The following SGCZ variants were observed in gnomAD, a reference collection of about 807,000 sequenced individuals.
The protein encoded by SGCZ is sarcoglycan zeta.
A neutral mutation model predicts 41.3 loss-of-function variants in SGCZ; 40 were observed. The observed-to-expected ratio is 0.97, with a 90% CI of 0.75 to 1.26. The LOEUF (loss-of-function observed/expected upper bound fraction) is 1.26, where lower values mean the gene tolerates loss of function less well. Among genes scored for constraint, SGCZ ranks in the 50% most tolerant of loss-of-function variants. SGCZ has a pLI of 0.00. For synonymous variants in SGCZ, 206 were observed against 137.5 expected (o/e 1.50, Z -3.49); for missense variants, 552 against 369.8 (o/e 1.49, Z -4.04).
At chr8:15,094,812 C>T (rs1585556350) in intron 1 of SGCZ, among the ~76,000 whole-genome samples, 1 of 152,138 alleles carries the variant, frequency 6.6e-6, no homozygotes, top group Non-Finnish European at 1.5e-5. Context: ...CTTTCCCCTT[C>T]GCTCTGACCC....
chr8:15,096,009 C>T (rs1015191574), intron 1 of SGCZ, among the ~76,000 whole-genome samples: 14 of 152,180 alleles, frequency 9.2e-5, no homozygotes, highest in Admixed American at 1.3e-4. Context: ...CAAAAATGTC[C>T]CCAAGATACG....
intron 1 of SGCZ, among the ~76,000 whole-genome samples, chr8:14,718,066 A>G: frequency 6.6e-6 from 1 of 150,840 alleles, no homozygotes; most frequent in Non-Finnish European, 1.5e-5. Flanking sequence ...TATTTTTCTT[A>G]TCTTTGAAAA....
At chr8:14,326,111 C>CAAAAAAAAAAAAA (rs56152915) in intron 2 of SGCZ, among the ~76,000 whole-genome samples, 1,942 of 37,882 alleles carry the variant, frequency 0.051, 835 homozygotes, top group East Asian at 0.27. Context: ...GACTCCGTCT[C>CAAAAAAAAAAAAA]AAAAAAAAAA....
chr8:14,889,188 T>C (rs1804918588), intron 1 of SGCZ, among the ~76,000 whole-genome samples: 1 of 152,046 alleles, frequency 6.6e-6, no homozygotes, highest in African/African-American at 2.4e-5. Flanking sequence ...GTACAATATA[T>C]CATCATCATA....
At chr8:14,190,714 T>G (rs918611293) in intron 4 of SGCZ, among the ~76,000 whole-genome samples, 1 of 152,198 alleles carries the variant, frequency 6.6e-6, no homozygotes, top group South Asian at 2.1e-4. Flanking sequence ...ACCATTCTCC[T>G]GCCTCAGCCT....
At chr8:14,306,620 C>T (rs1005073353) in intron 3 of SGCZ, among the ~76,000 whole-genome samples, 2 of 152,106 alleles carry the variant, frequency 1.3e-5, no homozygotes, top group Admixed American at 6.6e-5. Context: ...ACATGACAAG[C>T]TGATGGCAAA....
At chr8:14,125,531 T>G (rs2117045004) in intron 5 of SGCZ, among the ~76,000 whole-genome samples, 1 of 151,560 alleles carries the variant, frequency 6.6e-6, no homozygotes, top group African/African-American at 2.4e-5. Flanking sequence ...GAAGAATCAC[T>G]ATTGTGAAAA....
intron 1 of SGCZ, among the ~76,000 whole-genome samples, chr8:15,229,632 A>G (rs1801883730): frequency 6.6e-6 from 1 of 152,184 alleles, no homozygotes; most frequent in Non-Finnish European, 1.5e-5. Context: ...AGAAATCTTG[A>G]GGTAAGCGAT....
intron 1 of SGCZ, among the ~76,000 whole-genome samples, chr8:14,945,241 A>C (rs990872561): frequency 6.6e-6 from 1 of 152,178 alleles, no homozygotes; most frequent in Non-Finnish European, 1.5e-5. Flanking sequence ...CAAATCATAA[A>C]TAAGACAAAC....
intron 3 of SGCZ, among the ~76,000 whole-genome samples, chr8:14,293,743 T>C (rs1585329067): frequency 6.6e-6 from 1 of 152,014 alleles, no homozygotes; most frequent in South Asian, 2.1e-4. Flanking sequence ...TGTAGAATTC[T>C]TTTCTAAGAG....
At chr8:14,904,688 A>G (rs1432098196) in intron 1 of SGCZ, among the ~76,000 whole-genome samples, 1 of 152,142 alleles carries the variant, frequency 6.6e-6, no homozygotes, top group East Asian at 1.9e-4. Flanking sequence ...CATACACAGC[A>G]TTCTACTTAG....
At chr8:14,728,539 A>G (rs994178177) in intron 1 of SGCZ, among the ~76,000 whole-genome samples, 1 of 152,138 alleles carries the variant, frequency 6.6e-6, no homozygotes, top group African/African-American at 2.4e-5. Context: ...AATAATGGAG[A>G]TTTTAGTAAA....
intron 4 of SGCZ, among the ~76,000 whole-genome samples, chr8:14,226,426 T>C (rs1319574042): frequency 6.6e-6 from 1 of 152,082 alleles, no homozygotes; most frequent in Non-Finnish European, 1.5e-5. Flanking sequence ...GAACTACGCA[T>C]GAATCTGGTT....
chr8:14,986,487 T>G (rs1033329087), intron 1 of SGCZ, among the ~76,000 whole-genome samples: 2 of 152,112 alleles, frequency 1.3e-5, no homozygotes, highest in Non-Finnish European at 2.9e-5. Flanking sequence ...CAGCAGTAAT[T>G]GAACAAATTA....
intron 2 of SGCZ, among the ~76,000 whole-genome samples, chr8:14,532,226 A>C (rs72607312): frequency 0.15 from 22,511 of 150,028 alleles, 1,991 homozygotes; most frequent in East Asian, 0.39. Context: ...AGAAGAAATT[A>C]ATTTGAGCCC....
intron 1 of SGCZ, among the ~76,000 whole-genome samples, chr8:14,894,326 TA>T (rs1805119083): frequency 6.6e-6 from 1 of 152,222 alleles, no homozygotes; most frequent in African/African-American, 2.4e-5. Flanking sequence ...AGCACACTTC[TA>T]AAATATATAA....
At chr8:14,164,443 A>T (rs1804143313) in intron 5 of SGCZ, 137 bp downstream of exon 5, 3 of 1,008,828 alleles carry the variant, frequency 3.0e-6, no homozygotes, top group Non-Finnish European at 4.3e-6. Flanking sequence ...TTTGAAGGCT[A>T]CTTGAAGAAC....
At chr8:14,420,587 T>A (rs1799612173) in intron 2 of SGCZ, among the ~76,000 whole-genome samples, 2 of 152,222 alleles carry the variant, frequency 1.3e-5, no homozygotes, top group South Asian at 4.1e-4. Context: ...GATACCAAAA[T>A]GATCCCGAGC....
At chr8:14,818,172 T>G (rs922069933) in intron 1 of SGCZ, among the ~76,000 whole-genome samples, 1 of 152,008 alleles carries the variant, frequency 6.6e-6, no homozygotes, top group African/African-American at 2.4e-5. Context: ...CACTCACACA[T>G]TCATGAGCTC....
Sources: allele counts gnomAD v4.1 joint callset (sites outside exome capture counted in the v4.1 genomes callset), GRCh38; gene constraint gnomAD v4.1.1; transcripts MANE v1.5; gene names NCBI Gene and HGNC (gene_info 2026-07-23, HGNC 2026-07-21).